MAML3: variants seen among roughly 807,000 people sequenced by gnomAD.
MAML3 encodes mastermind-like protein 3.
A neutral mutation model predicts 101.9 loss-of-function variants in MAML3; 27 were observed. The ratio of observed to expected loss-of-function variants is 0.27; its 90% confidence interval spans 0.20 to 0.37. The LOEUF (loss-of-function observed/expected upper bound fraction) is 0.37, where lower values mean the gene tolerates loss of function less well. Among genes scored for constraint, MAML3 ranks in the 10% least tolerant of loss-of-function variants. The probability of loss-of-function intolerance (pLI) is 1.00; values close to 1 mark genes in which losing one functional copy is unlikely to be tolerated. For synonymous variants in MAML3, 501 were observed against 555.9 expected (o/e 0.90, Z 1.39); for missense variants, 1,316 against 1,444.9 (o/e 0.91, Z 1.45).
chr4:139,783,808 C>A (rs1235296685), intron 2 of MAML3, among the ~76,000 whole-genome samples: 2 of 152,210 alleles, frequency 1.3e-5, no homozygotes, highest in East Asian at 3.9e-4. Context: ...CCCTCCCAGT[C>A]AGCGATTGGC....
chr4:139,989,152 C>G (rs1220188663), intron 1 of MAML3, among the ~76,000 whole-genome samples: 1 of 152,088 alleles, frequency 6.6e-6, no homozygotes, highest in Non-Finnish European at 1.5e-5. Context: ...GGGACAGAAG[C>G]AGGAATCTTG....
intron 4 of MAML3, among the ~76,000 whole-genome samples, chr4:139,721,947 G>A (rs572525830): frequency 9.2e-5 from 14 of 152,284 alleles, no homozygotes; most frequent in African/African-American, 3.4e-4. Context: ...ATGGGTTATT[G>A]AGTTGTTTAT....
chr4:140,087,283 A>C (rs186800142), intron 1 of MAML3, among the ~76,000 whole-genome samples: 52 of 152,346 alleles, frequency 3.4e-4, no homozygotes, highest in African/African-American at 1.2e-3. Flanking sequence ...ATGCTATCTT[A>C]TATATCCTCT....
At chr4:140,068,995 ACTT>A (rs1727585253) in intron 1 of MAML3, among the ~76,000 whole-genome samples, 1 of 152,304 alleles carries the variant, frequency 6.6e-6, no homozygotes, top group Middle Eastern at 3.4e-3. Context: ...AACTTTCTGA[ACTT>A]CTCATTCCTC....
At chr4:139,830,871 A>G (rs1731152767) in intron 2 of MAML3, among the ~76,000 whole-genome samples, 1 of 152,172 alleles carries the variant, frequency 6.6e-6, no homozygotes, top group Admixed American at 6.5e-5. Flanking sequence ...AGGAAGCAGA[A>G]ATCATTCAGA....
In MAML3 at chr4:139,979,030, C is replaced by T. The variant is rs143102792; in HGVS notation, c.469-88063G>A. 8.5e-4 allele frequency among the ~76,000 whole-genome samples: 129 copies of T among 152,242 alleles called. No homozygotes were observed. In the Middle Eastern group the frequency reaches 0.017, roughly 20 times the overall value. ...AAGGAACAAGCCTGCTTATGTGGTA[C>T]TAGTAAAATCATAATATCAGCCACT... On this transcript the variant is annotated intron_variant, in intron 1 of 4. Coordinates refer to ENST00000509479, the MANE Select transcript of MAML3 (RefSeq NM_018717.5).
intron 1 of MAML3, among the ~76,000 whole-genome samples, chr4:140,104,761 G>A (rs1217309472): frequency 6.6e-6 from 1 of 151,346 alleles, no homozygotes; most frequent in Non-Finnish European, 1.5e-5. Context: ...CAAAGTGCTG[G>A]GATTACAGAC....
intron 1 of MAML3, among the ~76,000 whole-genome samples, chr4:140,105,149 C>T (rs533596408): frequency 4.6e-4 from 70 of 152,246 alleles, no homozygotes; most frequent in Non-Finnish European, 8.4e-4. Context: ...CTCAAAGCCA[C>T]CACCCCCATC....
chr4:139,726,767 TTTC>T (rs1472730727), intron 3 of MAML3, among the ~76,000 whole-genome samples: 1 of 152,250 alleles, frequency 6.6e-6, no homozygotes, highest in Non-Finnish European at 1.5e-5. Flanking sequence ...CATATTAGTC[TTTC>T]TTCTTCCACT....
chr4:139,731,361 G>T (rs1238386172), intron 2 of MAML3: 1 of 147,134 alleles, frequency 6.8e-6, no homozygotes, highest in Non-Finnish European at 1.5e-5. Flanking sequence ...TACTTTGGGA[G>T]GCCCAGTACT....
intron 2 of MAML3, among the ~76,000 whole-genome samples, chr4:139,854,242 G>T (rs1159528980): frequency 6.6e-6 from 1 of 152,066 alleles, no homozygotes; most frequent in Admixed American, 6.6e-5. Flanking sequence ...TCAGTGCCTG[G>T]CATGTAGAAG....
intron 1 of MAML3, among the ~76,000 whole-genome samples, chr4:140,099,231 A>T (rs533515637): frequency 0.021 from 2,693 of 126,462 alleles, 67 homozygotes; most frequent in African/African-American, 0.076. Context: ...GAAGTATATC[A>T]CACACACACA....
intron 1 of MAML3, among the ~76,000 whole-genome samples, chr4:140,081,690 G>A (rs921495576): frequency 2.7e-4 from 41 of 152,038 alleles, no homozygotes; most frequent in South Asian, 2.1e-4. Context: ...ATATGTAGCC[G>A]CTGCTACAAA....
At chr4:140,107,536 G>A (rs866631769) in intron 1 of MAML3, among the ~76,000 whole-genome samples, 29 of 144,420 alleles carry the variant, frequency 2.0e-4, no homozygotes, top group Admixed American at 3.5e-4. Flanking sequence ...ACAGACTCTC[G>A]CTCTGTCACC....
chr4:139,882,782 G>A (rs1480350666), intron 2 of MAML3, among the ~76,000 whole-genome samples: 1 of 152,198 alleles, frequency 6.6e-6, no homozygotes, highest in African/African-American at 2.4e-5. Context: ...CTGGGAGGCA[G>A]AGGTGGCAGT....
chr4:140,015,348 C>T (rs1560867174), intron 1 of MAML3, among the ~76,000 whole-genome samples: 2 of 152,136 alleles, frequency 1.3e-5, no homozygotes, highest in Admixed American at 6.5e-5. Flanking sequence ...TGCATAAGTC[C>T]TGAAGACATA....
At chr4:139,871,275 C>G (rs939154632) in intron 2 of MAML3, among the ~76,000 whole-genome samples, 1 of 152,138 alleles carries the variant, frequency 6.6e-6, no homozygotes, top group Non-Finnish European at 1.5e-5. Flanking sequence ...AGAAAAATAA[C>G]TTTCATTACA....
chr4:140,033,202 C>T (rs895324804), intron 1 of MAML3, among the ~76,000 whole-genome samples: 11 of 152,134 alleles, frequency 7.2e-5, no homozygotes, highest in Admixed American at 3.3e-4. Context: ...AAGAGCTATT[C>T]GAAACAAATG....
At chr4:140,049,680 T>TA (rs1359701198) in intron 1 of MAML3, among the ~76,000 whole-genome samples, 34 of 151,068 alleles carry the variant, frequency 2.3e-4, no homozygotes, top group African/African-American at 8.4e-4. Flanking sequence ...TCCTTTTTTT[T>TA]TAAAAGGACA....
Sources: gnomAD v4.1 joint callset for allele counts (sites outside exome capture counted in the v4.1 genomes callset) on GRCh38, gnomAD v4.1.1 for gene constraint, MANE v1.5 for transcripts, NCBI Gene and HGNC (gene_info 2026-07-23, HGNC 2026-07-21) for gene names.